SHOC2: variants seen among roughly 807,000 people sequenced by gnomAD.
SHOC2 encodes leucine-rich repeat protein SHOC-2.
A neutral mutation model predicts 50.2 loss-of-function variants in SHOC2; 4 were observed. The observed-to-expected ratio is 0.08, with a 90% CI of 0.04 to 0.18. The LOEUF (loss-of-function observed/expected upper bound fraction) is 0.18, where lower values mean the gene tolerates loss of function less well. Among genes scored for constraint, SHOC2 ranks in the 10% least tolerant of loss-of-function variants. The pLI is 1.00. For synonymous variants in SHOC2, 218 were observed against 244.5 expected (o/e 0.89, Z 1.01); for missense variants, 388 against 669.6 (o/e 0.58, Z 4.64).
intron 3 of SHOC2, among the ~76,000 whole-genome samples, chr10:110,999,331 G>A (rs569417544): frequency 2.0e-4 from 30 of 152,230 alleles, no homozygotes; most frequent in Admixed American, 4.6e-4. Context: ...TATTTTTAAC[G>A]TATATTGTTT....
At chr10:110,980,517 C>T (rs565798748) in intron 2 of SHOC2, among the ~76,000 whole-genome samples, 51 of 152,264 alleles carry the variant, frequency 3.3e-4, no homozygotes, top group African/African-American at 1.2e-3. Flanking sequence ...CACTATTTCT[C>T]GTGGGCTAAT....
chr10:110,971,258 C>T (rs747214071), intron 2 of SHOC2, among the ~76,000 whole-genome samples: 1 of 152,066 alleles, frequency 6.6e-6, no homozygotes, highest in Non-Finnish European at 1.5e-5. Context: ...TAGTTTCATT[C>T]TTCTGCATAT....
rs144721247 is a variant in SHOC2, at chr10:110,992,628, G to A, written c.841+6863G>A. On this transcript the variant is annotated intron_variant, in intron 3 of 8. Transcript: ENST00000369452. ...CAGAACAATTCACAGAAGCCTTTTT[G>A]TTGCACTGGGCTCTGAAGAAATGTT... Among the ~76,000 whole-genome samples, 421 of 152,272 alleles carry A rather than the reference G, an allele frequency of 2.8e-3. 1 individual carries two copies. Among genetic ancestry groups the A allele is most frequent in the African/African-American group, 9.9e-3 (412 of 41,558 alleles).
chr10:110,975,158 C>CTTTTT (rs200869891), intron 2 of SHOC2, among the ~76,000 whole-genome samples: 1 of 143,124 alleles, frequency 7.0e-6, no homozygotes, highest in African/African-American at 2.5e-5. Context: ...TCCCATGTTA[C>CTTTTT]TTTTTTTTTT....
chr10:110,971,240 T>G (rs184410840), intron 2 of SHOC2, among the ~76,000 whole-genome samples: 2 of 152,266 alleles, frequency 1.3e-5, no homozygotes, highest in East Asian at 3.9e-4. Flanking sequence ...TAGTGAGAGA[T>G]AGGGGTCTAG....
intron 1 of SHOC2, among the ~76,000 whole-genome samples, chr10:110,930,891 G>GCA (rs1245026741): frequency 1.3e-5 from 2 of 151,994 alleles, no homozygotes; most frequent in African/African-American, 4.8e-5. Flanking sequence ...AGACTTTGGT[G>GCA]AAGAATTTTG....
At chr10:110,993,714 T>TA (rs1268473225) in intron 3 of SHOC2, among the ~76,000 whole-genome samples, 1 of 152,180 alleles carries the variant, frequency 6.6e-6, no homozygotes, top group Non-Finnish European at 1.5e-5. Context: ...ACTCTGGTTT[T>TA]AAAAGTGAGA....
intron 1 of SHOC2, among the ~76,000 whole-genome samples, chr10:110,927,191 G>T (rs1846794734): frequency 6.6e-6 from 1 of 152,192 alleles, no homozygotes. Flanking sequence ...CTAAAAGTAT[G>T]TGGTGTCTGA....
At chr10:111,003,184 G>T (rs964380381) in intron 4 of SHOC2, among the ~76,000 whole-genome samples, 1 of 152,170 alleles carries the variant, frequency 6.6e-6, no homozygotes, top group Non-Finnish European at 1.5e-5. Context: ...CATTCCTTCA[G>T]ATGGCTTTGC....
chr10:110,978,603 A>G (rs542922322), intron 2 of SHOC2, among the ~76,000 whole-genome samples: 2 of 152,360 alleles, frequency 1.3e-5, no homozygotes, highest in Admixed American at 1.3e-4. Flanking sequence ...ACAGTTGGCA[A>G]CTGTTGAAAT....
chr10:110,946,188 A>T (rs1191878551), intron 1 of SHOC2, among the ~76,000 whole-genome samples: 2 of 152,058 alleles, frequency 1.3e-5, no homozygotes. Context: ...TCTGATGGGT[A>T]TGGGAATGAC....
intron 1 of SHOC2, among the ~76,000 whole-genome samples, chr10:110,946,371 G>A (rs1847246787): frequency 1.3e-5 from 2 of 148,552 alleles, no homozygotes; most frequent in African/African-American, 2.5e-5. Flanking sequence ...TCTAGTATTG[G>A]CCAGGTTCTA....
At chr10:110,928,472 C>G (rs189145728) in intron 1 of SHOC2, among the ~76,000 whole-genome samples, 247 of 152,162 alleles carry the variant, frequency 1.6e-3, no homozygotes, top group African/African-American at 5.8e-3. Context: ...CATACTTTTA[C>G]TAGCTTATTT....
chr10:110,962,609 C>T (rs1847593138), intron 1 of SHOC2, among the ~76,000 whole-genome samples: 1 of 152,070 alleles, frequency 6.6e-6, no homozygotes, highest in African/African-American at 2.4e-5. Flanking sequence ...GATTATTCAT[C>T]CTCTACCCCA....
At chr10:111,007,304 T>A (rs1348011970) in intron 5 of SHOC2, among the ~76,000 whole-genome samples, 1 of 152,184 alleles carries the variant, frequency 6.6e-6, no homozygotes, top group Non-Finnish European at 1.5e-5. Context: ...TATAATCACA[T>A]AAGGAACAAA....
rs902675627 is a variant in SHOC2 at position 111,005,283 on chromosome 10, C to A, written c.1161+489C>A. On this transcript the variant is annotated intron_variant, in intron 5 of 8. Coordinates refer to ENST00000369452, the MANE Select transcript of SHOC2 (RefSeq NM_007373.4). ...AGCAAGACCCTGTTCCCCATCCCCCCAAAAAAGGAAATATGAATGTCTATA... is the reference window on the plus strand; with the variant it reads ...AGCAAGACCCTGTTCCCCATCCCCCAAAAAAAGGAAATATGAATGTCTATA... Among the ~76,000 whole-genome samples the A allele has an allele frequency of 3.9e-5, 6 of 151,998 alleles. No homozygotes were observed. In the South Asian group the frequency reaches 8.3e-4, roughly 21 times the overall value.
Position 111,000,405 on chromosome 10 carries a change from G to A in SHOC2, c.842-10G>A. 1.2e-6 allele frequency: 2 copies of A among 1,613,442 alleles called. No homozygotes were observed. The highest frequency in any genetic ancestry group is 1.7e-6 in the Non-Finnish European group (2 of 1,179,602). ...AAAAAATAAATTTCTTTTTTTGTGT[G>A]TGTTTACAGGAAACCTGTCCAGTTT... is the stretch of plus-strand genomic sequence containing the variant. On this transcript the variant is annotated splice_polypyrimidine_tract_variant and intron_variant, in intron 3 of 8. Coordinates refer to ENST00000369452, the MANE Select transcript of SHOC2 (RefSeq NM_007373.4).
At chr10:110,936,158 G>A (rs150219023) in intron 1 of SHOC2, among the ~76,000 whole-genome samples, 10,735 of 149,156 alleles carry the variant, frequency 0.072, 764 homozygotes, top group East Asian at 0.3. Flanking sequence ...GTGCAATGGC[G>A]CGATCTCGGC....
intron 2 of SHOC2, among the ~76,000 whole-genome samples, chr10:110,981,330 T>C (rs1261433020): frequency 6.6e-6 from 1 of 152,216 alleles, no homozygotes; most frequent in African/African-American, 2.4e-5. Context: ...TACATATCAA[T>C]AATTTTTTGT....
Sources: allele counts gnomAD v4.1 joint callset (sites outside exome capture counted in the v4.1 genomes callset), GRCh38; gene constraint gnomAD v4.1.1; transcripts MANE v1.5; gene names NCBI Gene and HGNC (gene_info 2026-07-23, HGNC 2026-07-21).